ESRP1: variants seen among roughly 807,000 people sequenced by gnomAD.
The protein encoded by ESRP1 is epithelial splicing regulatory protein 1, also known as RNA-binding motif protein 35A.
A neutral mutation model predicts 81.7 loss-of-function variants in ESRP1; 33 were observed. That is an observed-to-expected ratio of 0.40 (90% CI 0.31 to 0.54). The LOEUF (loss-of-function observed/expected upper bound fraction) is 0.54, where lower values mean the gene tolerates loss of function less well. Among genes scored for constraint, ESRP1 ranks in the 20% least tolerant of loss-of-function variants. The pLI is 0.41. For missense variants in ESRP1, 672 were observed against 833.1 expected (o/e 0.81, Z 2.38); for synonymous variants, 320 against 303.3 (o/e 1.06, Z -0.57).
chr8:94,657,050 A>G (rs1818459457), intron 4 of ESRP1, among the ~76,000 whole-genome samples: 1 of 152,228 alleles, frequency 6.6e-6, no homozygotes. Context: ...GGTCATAAGG[A>G]AAGTGTCCCT....
At chr8:94,641,536 A>G (rs1291640953) in intron 1 of ESRP1, 86 bp downstream of exon 1, 1 of 1,564,602 alleles carries the variant, frequency 6.4e-7, no homozygotes, top group East Asian at 2.3e-5. Flanking sequence ...GGTGGAGGTA[A>G]GTAAATAAGT....
intron 9 of ESRP1, 72 bp from the exon 10 acceptor site, chr8:94,667,877 A>G: frequency 1.5e-6 from 2 of 1,315,680 alleles, no homozygotes; most frequent in Non-Finnish European, 2.1e-6. Flanking sequence ...CAGGACTTTT[A>G]TCACTTTAAA....
chr8:94,678,425 TAGCCAGTGCAAG>T, intron 13 of ESRP1, 54 bp downstream of exon 13: 3 of 1,580,520 alleles, frequency 1.9e-6, no homozygotes, highest in Non-Finnish European at 2.6e-6. Flanking sequence ...ACTCCTTTGA[TAGCCAGTGCAAG>T]AGCTCACAAA....
Position 94,641,989 on chromosome 8 carries a change from G to C in ESRP1, c.166G>C (p.Asp56His), listed in dbSNP as rs1391852855. ...GQLHEVLVRP[D>H]QLELTEDCKE... Reference sequence around the variant, plus strand: ...GTTGCACGAAGTGCTAGTTAGACCGGATCAGTTGGAACTGACGGAGGACTG... The same window carrying C: ...GTTGCACGAAGTGCTAGTTAGACCGCATCAGTTGGAACTGACGGAGGACTG... Residue 56 changes from aspartate (D) to histidine (H), a missense_variant, in exon 2 of 16, where the codon GAT (aspartate) becomes CAT (histidine). By Grantham distance (81) the Asp-to-His change is moderately conservative. Transcript: ENST00000433389. 12 of 1,613,886 alleles carry C rather than the reference G, an allele frequency of 7.4e-6. No homozygotes were observed. The highest frequency in any genetic ancestry group is 2.7e-5 in the African/African-American group (2 of 74,956).
intron 13 of ESRP1, among the ~76,000 whole-genome samples, chr8:94,687,622 G>A (rs1316297462): frequency 1.3e-5 from 2 of 152,010 alleles, no homozygotes; most frequent in African/African-American, 4.8e-5. Context: ...CCATTTTCTT[G>A]GGTGTGGGTT....
chr8:94,694,969 T>G (rs1414438787), intron 14 of ESRP1, among the ~76,000 whole-genome samples: 14 of 152,240 alleles, frequency 9.2e-5, no homozygotes, highest in Non-Finnish European at 2.9e-5. Context: ...ATTTGAGCTT[T>G]GAGGCAGTCA....
rs1256172111 is a variant in ESRP1, at chr8:94,641,302, C to G, written c.-17C>G. Reference sequence around the variant, plus strand: ...ACCGCCTCCCGACCCCCCCTCTCCCCCTCCCCACCTATCGTCATGACGGCC... The same window carrying G: ...ACCGCCTCCCGACCCCCCCTCTCCCGCTCCCCACCTATCGTCATGACGGCC... On this transcript the variant is annotated 5_prime_UTR_variant, in exon 1 of 16. Coordinates refer to ENST00000433389, the MANE Select transcript of ESRP1 (RefSeq NM_017697.4). 1 of 1,609,130 alleles carries G rather than the reference C, an allele frequency of 6.2e-7. No homozygotes were observed. Among genetic ancestry groups the G allele is most frequent in the Admixed American group, 1.7e-5 (1 of 59,802 alleles).
intron 13 of ESRP1, among the ~76,000 whole-genome samples, chr8:94,690,920 A>G (rs12545776): frequency 0.31 from 47,342 of 152,048 alleles, 8,788 homozygotes; most frequent in East Asian, 0.56. Context: ...TGCTAGTTGT[A>G]CAGGAGGAAA....
At chr8:94,689,249 CAAAAAAAAAAAAA>C (rs56220336) in intron 13 of ESRP1, among the ~76,000 whole-genome samples, 34 of 98,848 alleles carry the variant, frequency 3.4e-4, no homozygotes, top group Admixed American at 7.6e-4. Flanking sequence ...ACTCAGTCTC[CAAAAAAAAAAAAA>C]AAAAAAAAAA....
chr8:94,641,303 CT>C lies in ESRP1; in HGVS notation c.-15del. ...CCGCCTCCCGACCCCCCCTCTCCCC[CT>C]CCCCACCTATCGTCATGACGGCCTC... On this transcript the variant is annotated 5_prime_UTR_variant, in exon 1 of 16. Transcript: ENST00000433389. The C allele has an allele frequency of 6.2e-7, 1 of 1,610,364 alleles. No individual in the cohort carries two copies. The highest frequency in any genetic ancestry group is 8.5e-7 in the Non-Finnish European group (1 of 1,177,922).
intron 4 of ESRP1, among the ~76,000 whole-genome samples, chr8:94,657,630 C>T (rs745904128): frequency 6.6e-6 from 1 of 151,948 alleles, no homozygotes; most frequent in Non-Finnish European, 1.5e-5. Context: ...CATGTTGGGA[C>T]GTGTTATGTG....
chr8:94,662,086 T>G (rs764822072), intron 4 of ESRP1, among the ~76,000 whole-genome samples, 186 bp from the exon 5 acceptor site: 2 of 152,198 alleles, frequency 1.3e-5, no homozygotes, highest in Non-Finnish European at 2.9e-5. Flanking sequence ...ATTTGCCTCT[T>G]TTACCCAAAA....
At chr8:94,641,706 G>A (rs1817600666) in intron 1 of ESRP1, 6 of 697,266 alleles carry the variant, frequency 8.6e-6, no homozygotes, top group Non-Finnish European at 1.3e-5. Flanking sequence ...CCCGTCGGGG[G>A]ACGCTCCGCC....
intron 11 of ESRP1, among the ~76,000 whole-genome samples, chr8:94,672,771 G>T (rs7010790): frequency 5.9e-5 from 9 of 152,234 alleles, no homozygotes; most frequent in Non-Finnish European, 1.3e-4. Flanking sequence ...GACCTCGGGC[G>T]ATCTACCCGC....
chr8:94,658,918 T>A (rs1033625478), intron 4 of ESRP1, among the ~76,000 whole-genome samples: 7 of 152,224 alleles, frequency 4.6e-5, no homozygotes, highest in East Asian at 1.9e-4. Flanking sequence ...TGTCTTTTTT[T>A]AAATTTTCAT....
chr8:94,676,277 G>A (rs1304986434), intron 12 of ESRP1, among the ~76,000 whole-genome samples: 5 of 151,522 alleles, frequency 3.3e-5, no homozygotes, highest in African/African-American at 9.7e-5. Context: ...GCTTGATCAC[G>A]GGAGGCGGAG....
intron 4 of ESRP1, among the ~76,000 whole-genome samples, chr8:94,655,049 A>G (rs1368370714): frequency 7.3e-6 from 1 of 136,224 alleles, no homozygotes; most frequent in African/African-American, 2.9e-5. Context: ...TGTGTCTGTG[A>G]GGTTTTTTGG....
At chr8:94,657,355 T>A (rs946579590) in intron 4 of ESRP1, among the ~76,000 whole-genome samples, 3 of 152,226 alleles carry the variant, frequency 2.0e-5, no homozygotes, top group Non-Finnish European at 4.4e-5. Context: ...TATATACTTA[T>A]AAATTGATAA....
intron 9 of ESRP1, 95 bp downstream of exon 9, chr8:94,665,291 T>C: frequency 1.6e-6 from 2 of 1,216,154 alleles, no homozygotes; most frequent in Non-Finnish European, 1.2e-6. Flanking sequence ...GGGTCATGAA[T>C]GGTTTTTATT....
Sources: allele counts gnomAD v4.1 joint callset (sites outside exome capture counted in the v4.1 genomes callset), GRCh38; gene constraint gnomAD v4.1.1; transcripts MANE v1.5; gene names NCBI Gene and HGNC (gene_info 2026-07-23, HGNC 2026-07-21).